The following NRG1 variants were observed in gnomAD, a reference collection of about 807,000 sequenced individuals.
NRG1 encodes pro-neuregulin-1, membrane-bound isoform.
NRG1 carries 18 observed loss-of-function variants against 63.8 expected under a neutral mutation model. The observed-to-expected ratio is 0.28, with a 90% confidence interval of 0.19 to 0.42. The LOEUF is 0.42. Ranked by LOEUF, NRG1 falls within the 10% of genes least tolerant of loss-of-function variation. NRG1 has a pLI of 1.00. For missense variants in NRG1, 762 were observed against 814.7 expected, an observed-to-expected ratio of 0.94 and a Z score of 0.79; for synonymous variants, 302 against 301.3, an observed-to-expected ratio of 1.00 and a Z score of -0.02.
chr8:32,572,996 GCAAA>G lies in NRG1; in HGVS notation c.101-22828_101-22825del, dbSNP rs1236408120. Among the ~76,000 whole-genome samples, 30 of 152,170 alleles carry G rather than the reference GCAAA, an allele frequency of 2.0e-4. 1 individual carries two copies. Among genetic ancestry groups the G allele is most frequent in the African/African-American group, 6.7e-4 (28 of 41,526 alleles). Reference sequence around the variant, plus strand: ...TAATCTGTATATCCTATCCCCACTTGCAAACAATGTTTTGCCTGAACCGAGTAAT... The same window carrying G: ...TAATCTGTATATCCTATCCCCACTTGCAATGTTTTGCCTGAACCGAGTAAT... On this transcript the variant is annotated intron_variant, in intron 1 of 11. Transcript: ENST00000356819.
At chr8:32,173,834 C>T (rs1840368737) in intron 1 of NRG1, among the ~76,000 whole-genome samples, 1 of 152,172 alleles carries the variant, frequency 6.6e-6, no homozygotes. Context: ...CACCCAGATT[C>T]ATAAAGCAAG....
intron 1 of NRG1, among the ~76,000 whole-genome samples, chr8:31,651,515 G>A (rs1044409933): frequency 6.6e-6 from 1 of 152,084 alleles, no homozygotes; most frequent in African/African-American, 2.4e-5. Context: ...TGGAGAGCTT[G>A]GTTTTCAGGG....
At chr8:32,116,574 T>G (rs1832741192) in intron 1 of NRG1, among the ~76,000 whole-genome samples, 1 of 152,154 alleles carries the variant, frequency 6.6e-6, no homozygotes, top group African/African-American at 2.4e-5. Flanking sequence ...TTGGCTCACC[T>G]TCATTCAACT....
intron 1 of NRG1, among the ~76,000 whole-genome samples, chr8:32,064,595 G>A (rs77906903): frequency 0.011 from 1,663 of 152,138 alleles, 28 homozygotes; most frequent in African/African-American, 0.038. Context: ...TTAACAGCTT[G>A]GTAAGAAAAG....
rs1251388235 is a variant in NRG1 at position 31,775,839 on chromosome 8, T to C, written c.37+136408T>C. 2.4e-5 allele frequency among the ~76,000 whole-genome samples: 3 copies of C among 124,632 alleles called. No individual in the cohort carries two copies. The East Asian group carries it at 8.4e-4, about 35-fold the overall frequency. 81.8% of individuals were successfully genotyped at this position (124,632 alleles called of 152,430 possible). ...TGGAGCTTGCAGTGAGCCGAGATCA[T>C]GCCACCACACTCCAGCCTGGGCGAC... On this transcript the variant is annotated intron_variant, in intron 1 of 10. Coordinates refer to the NRG1 transcript ENST00000519301.
At chr8:32,330,773 G>A (rs927067678) in intron 1 of NRG1, among the ~76,000 whole-genome samples, 1 of 152,136 alleles carries the variant, frequency 6.6e-6, no homozygotes, top group African/African-American at 2.4e-5. Flanking sequence ...CTGGATCTGG[G>A]CCACGGACCA....
intron 1 of NRG1, among the ~76,000 whole-genome samples, chr8:31,656,240 G>C (rs1805422231): frequency 1.3e-5 from 2 of 152,150 alleles, no homozygotes; most frequent in South Asian, 4.1e-4. Flanking sequence ...GTGAAAGGAA[G>C]ACCCAAAAAG....
At chr8:31,760,515 A>G (rs1817426130) in intron 1 of NRG1, among the ~76,000 whole-genome samples, 1 of 152,282 alleles carries the variant, frequency 6.6e-6, no homozygotes, top group African/African-American at 2.4e-5. Context: ...TGAACAGGCA[A>G]CCTACAAAAT....
intron 1 of NRG1, among the ~76,000 whole-genome samples, chr8:32,549,278 C>T (rs1240544763): frequency 1.3e-5 from 2 of 152,266 alleles, no homozygotes; most frequent in Admixed American, 6.5e-5. Context: ...AGCCGGTCCC[C>T]TCGGTGTGCC....
At chr8:31,847,593 G>A (rs765804463) in intron 1 of NRG1, among the ~76,000 whole-genome samples, 3 of 152,150 alleles carry the variant, frequency 2.0e-5, no homozygotes, top group Non-Finnish European at 4.4e-5. Context: ...CTTTGCTCAT[G>A]TCACTACCTG....
chr8:32,470,215 C>G (rs982203101), intron 1 of NRG1, among the ~76,000 whole-genome samples: 4 of 140,728 alleles, frequency 2.8e-5, no homozygotes, highest in Non-Finnish European at 4.6e-5. Context: ...GAGTCTCGCT[C>G]TGTTGCCCAG....
At chr8:32,093,447 C>T (rs938174216) in intron 1 of NRG1, among the ~76,000 whole-genome samples, 1 of 152,196 alleles carries the variant, frequency 6.6e-6, no homozygotes, top group Non-Finnish European at 1.5e-5. Flanking sequence ...AAAGATAGTA[C>T]AGGAAAGTGT....
chr8:32,143,920 A>G (rs1836572189), intron 1 of NRG1, among the ~76,000 whole-genome samples: 1 of 152,188 alleles, frequency 6.6e-6, no homozygotes, highest in Non-Finnish European at 1.5e-5. Flanking sequence ...TTGATTTCAT[A>G]TCTTGCTATG....
intron 1 of NRG1, among the ~76,000 whole-genome samples, chr8:31,677,651 A>C (rs1407820134): frequency 1.3e-5 from 2 of 152,126 alleles, no homozygotes; most frequent in East Asian, 1.9e-4. Context: ...CCACAGTAAA[A>C]TTTAATGTAT....
chr8:31,868,981 A>G (rs893093917), intron 1 of NRG1, among the ~76,000 whole-genome samples: 2 of 152,202 alleles, frequency 1.3e-5, no homozygotes, highest in African/African-American at 4.8e-5. Context: ...AACTAGGGAA[A>G]CTTCTGTAAA....
At chr8:32,362,965 C>T (rs1487149) in intron 1 of NRG1, among the ~76,000 whole-genome samples, 1 of 152,030 alleles carries the variant, frequency 6.6e-6, no homozygotes, top group East Asian at 1.9e-4. Flanking sequence ...TCATTAGACC[C>T]ATCAAGGATT....
intron 7 of NRG1, chr8:32,748,562 C>A: frequency 3.9e-6 from 1 of 256,734 alleles, no homozygotes; most frequent in Non-Finnish European, 7.8e-6. Flanking sequence ...GCTGTTCTTG[C>A]AATCCTGGAG....
intron 5 of NRG1, among the ~76,000 whole-genome samples, chr8:32,712,780 G>A (rs62497778): frequency 0.12 from 17,543 of 152,058 alleles, 1,223 homozygotes; most frequent in African/African-American, 0.19. Flanking sequence ...CATTACTGTG[G>A]TAGTGATGGA....
At chr8:32,598,836 T>A (rs1223609625) in intron 2 of NRG1, among the ~76,000 whole-genome samples, 2 of 152,130 alleles carry the variant, frequency 1.3e-5, no homozygotes, top group African/African-American at 4.8e-5. Flanking sequence ...GATTAAAGGT[T>A]CCAACTGAAT....
Sources: gnomAD v4.1 joint callset for allele counts (sites outside exome capture counted in the v4.1 genomes callset) on GRCh38, gnomAD v4.1.1 for gene constraint, MANE v1.5 for transcripts, NCBI Gene and HGNC (gene_info 2026-07-23, HGNC 2026-07-21) for gene names.